The following NCOA2 variants were observed in gnomAD, a reference collection of about 807,000 sequenced individuals.
The protein encoded by NCOA2 is class E basic helix-loop-helix protein 75.
In NCOA2, 21 loss-of-function variants were observed where a neutral mutation model predicts 145.1. That is an observed-to-expected ratio of 0.14 (90% CI 0.10 to 0.21). The LOEUF is 0.21. NCOA2 is among the 10% of genes least tolerant of loss of function. The pLI is 1.00. For missense variants in NCOA2, 1,472 were observed against 1,837.6 expected, an observed-to-expected ratio of 0.80 and a Z score of 3.64; for synonymous variants, 619 against 637.5, an observed-to-expected ratio of 0.97 and a Z score of 0.44.
At chr8:70,114,718 T>C (rs1485864946) in intron 22 of NCOA2, among the ~76,000 whole-genome samples, 4 of 152,220 alleles carry the variant, frequency 2.6e-5, no homozygotes, top group Non-Finnish European at 5.9e-5. Context: ...AACAATTGCT[T>C]CTGGGATTTA....
intron 2 of NCOA2, chr8:70,245,040 T>TAGA (rs1453370762): frequency 1.3e-5 from 2 of 152,116 alleles, no homozygotes; most frequent in Non-Finnish European, 2.9e-5. Context: ...CAGTTCATAT[T>TAGA]AGAGCTCAGC....
At chr8:70,224,625 T>C (rs1820450740) in intron 2 of NCOA2, among the ~76,000 whole-genome samples, 1 of 152,144 alleles carries the variant, frequency 6.6e-6, no homozygotes, top group Non-Finnish European at 1.5e-5. Flanking sequence ...ATTTGTATGA[T>C]TTTTTCCCAG....
At chr8:70,351,282 A>T (rs1809177303) in intron 1 of NCOA2, among the ~76,000 whole-genome samples, 1 of 152,196 alleles carries the variant, frequency 6.6e-6, no homozygotes, top group African/African-American at 2.4e-5. Context: ...GTAATAGGTT[A>T]TACATTTTAG....
At chr8:70,173,936 T>G (rs1814540244) in intron 5 of NCOA2, among the ~76,000 whole-genome samples, 1 of 152,258 alleles carries the variant, frequency 6.6e-6, no homozygotes, top group African/African-American at 2.4e-5. Flanking sequence ...TAGCTGATTC[T>G]ACAATGGCAG....
upstream of NCOA2, among the ~76,000 whole-genome samples, chr8:70,406,902 A>G (rs1253702263): frequency 6.6e-6 from 1 of 152,224 alleles, no homozygotes; most frequent in Non-Finnish European, 1.5e-5. Context: ...AATATAAGCA[A>G]ATAAATATGA....
chr8:70,249,977 A>AAAAAGAAG (rs751876043), intron 2 of NCOA2, among the ~76,000 whole-genome samples: 24 of 137,972 alleles, frequency 1.7e-4, no homozygotes, highest in Non-Finnish European at 2.5e-4. Context: ...AAAAAAAAAA[A>AAAAAGAAG]AAGAAGAAGA....
chr8:70,159,218 A>ATTATATATATATATATATAC (rs1554578421), intron 10 of NCOA2, among the ~76,000 whole-genome samples: 9 of 112,986 alleles, frequency 8.0e-5, no homozygotes, highest in African/African-American at 3.5e-4. Context: ...AATACAGTAT[A>ATTATATATATATATATATAC]ACATTATATA....
intron 2 of NCOA2, among the ~76,000 whole-genome samples, chr8:70,296,010 T>C (rs1827061418): frequency 6.6e-6 from 1 of 152,248 alleles, no homozygotes; most frequent in Non-Finnish European, 1.5e-5. Flanking sequence ...TCAGTGTCTC[T>C]GAATATAAAT....
chr8:70,387,084 G>A (rs1196523731), intron 1 of NCOA2, among the ~76,000 whole-genome samples: 3 of 151,998 alleles, frequency 2.0e-5, no homozygotes, highest in Non-Finnish European at 4.4e-5. Flanking sequence ...ATGGGGTCTC[G>A]CTTTAACGCC....
At chr8:70,443,271 A>T in the NCOA2 span, among the ~76,000 whole-genome samples, 1 of 152,030 alleles carries the variant, frequency 6.6e-6, no homozygotes, top group South Asian at 2.1e-4. Flanking sequence ...CAGGAGGCTG[A>T]GGCAGGAGGA....
chr8:70,233,913 G>A lies in NCOA2; in HGVS notation c.-19-17149C>T, dbSNP rs562455049. On this transcript the variant is annotated intron_variant, in intron 2 of 22. Transcript: ENST00000452400. ...AGCAATTTAATATATACATTAAAAA[G>A]TAGTTTTAGTGTATATACAGGGTTG... Among the ~76,000 whole-genome samples the A allele has an allele frequency of 8.3e-4, 126 of 152,120 alleles. 1 individual carries two copies. Among genetic ancestry groups the A allele is most frequent in the African/African-American group, 2.9e-3 (122 of 41,482 alleles).
In NCOA2 at chr8:70,254,315, C is replaced by T. The variant is rs1408941067; in HGVS notation, c.-19-37551G>A. On this transcript the variant is annotated intron_variant, in intron 2 of 22. Coordinates refer to ENST00000452400, the MANE Select transcript of NCOA2 (RefSeq NM_006540.4). ...GATGGCATGTAAAATGGCACAGCCA[C>T]TGTGGAAAACAAAAATTTTTCAAAA... 3.9e-4 allele frequency among the ~76,000 whole-genome samples: 59 copies of T among 152,300 alleles called. 2 individuals are homozygous for T. Among genetic ancestry groups the T allele is most frequent in the Admixed American group, 3.9e-3 (59 of 15,296 alleles).
chr8:70,335,155 A>AAAAAAAAAAAAAAAAAAAAT (rs774576238), intron 1 of NCOA2, among the ~76,000 whole-genome samples: 3 of 115,384 alleles, frequency 2.6e-5, no homozygotes, highest in Non-Finnish European at 3.5e-5. Context: ...AAAAAAAAAG[A>AAAAAAAAAAAAAAAAAAAAT]TCTCTCCCTA....
intron 2 of NCOA2, among the ~76,000 whole-genome samples, chr8:70,224,879 T>C (rs1820474471): frequency 6.6e-6 from 1 of 151,916 alleles, no homozygotes; most frequent in South Asian, 2.1e-4. Context: ...AGGCATACAA[T>C]ATCATGGCTA....
At chr8:70,160,682 G>GGAGAGA (rs57991576) in intron 9 of NCOA2, among the ~76,000 whole-genome samples, 4 of 58,302 alleles carry the variant, frequency 6.9e-5, no homozygotes, top group East Asian at 3.6e-4. Flanking sequence ...AGAGAGAGAG[G>GGAGAGA]GAGAGAGAGA....
chr8:70,284,395 TTAG>T (rs1826096309), intron 2 of NCOA2, among the ~76,000 whole-genome samples: 1 of 152,150 alleles, frequency 6.6e-6, no homozygotes, highest in South Asian at 2.1e-4. Flanking sequence ...TAAAAGAAAA[TTAG>T]TAGAAATACT....
chr8:70,160,168 T>TC (rs915417880), intron 9 of NCOA2, among the ~76,000 whole-genome samples: 2 of 152,090 alleles, frequency 1.3e-5, no homozygotes, highest in African/African-American at 4.8e-5. Flanking sequence ...CACACTACTC[T>TC]CCCCCAGTCC....
chr8:70,187,367 GA>G (rs1302104791), intron 4 of NCOA2, among the ~76,000 whole-genome samples: 21 of 151,948 alleles, frequency 1.4e-4, no homozygotes, highest in Non-Finnish European at 2.6e-4. Flanking sequence ...AACCTGAGGG[GA>G]AAAAATGGTA....
intron 13 of NCOA2, among the ~76,000 whole-genome samples, chr8:70,144,352 C>G (rs939137162): frequency 6.6e-6 from 1 of 151,870 alleles, no homozygotes; most frequent in Non-Finnish European, 1.5e-5. Context: ...TTATATATAC[C>G]CTGCAATGCC....
Sources: allele counts gnomAD v4.1 joint callset (sites outside exome capture counted in the v4.1 genomes callset), GRCh38; gene constraint gnomAD v4.1.1; transcripts MANE v1.5; gene names NCBI Gene and HGNC (gene_info 2026-07-23, HGNC 2026-07-21).